The following COL16A1 variants were observed in gnomAD, a reference collection of about 807,000 sequenced individuals.
COL16A1 encodes collagen alpha-1(XVI) chain.
Under a neutral mutation model 266.3 loss-of-function variants are expected in COL16A1, and 189 were observed. The observed-to-expected ratio is 0.71, with a 90% CI of 0.63 to 0.80. COL16A1 has a LOEUF of 0.80. Ranked by LOEUF, COL16A1 falls within the 30% of genes least tolerant of loss-of-function variation. COL16A1 has a pLI of 0.00. For synonymous variants in COL16A1, 740 were observed against 782.3 expected (o/e 0.95, Z 0.90); for missense variants, 1,928 against 2,122.4 (o/e 0.91, Z 1.80).
chr1:31,698,424 G>A lies in COL16A1; in HGVS notation c.390+59C>T, dbSNP rs1369371105. ...GAAGTCACAAGCCGGGATGAAAGGTGGGCTGGACTGGTGCTACCCAATGCC... is the reference window on the plus strand; with the variant it reads ...GAAGTCACAAGCCGGGATGAAAGGTAGGCTGGACTGGTGCTACCCAATGCC... On this transcript the variant is annotated intron_variant, in intron 5 of 70. Coordinates refer to ENST00000373672, the MANE Select transcript of COL16A1 (RefSeq NM_001856.4). This position sits in a 1 kb window ranked among gnomAD's most constrained non-coding sequence, Gnocchi z 4.1. The A allele has an allele frequency of 2.5e-6, 4 of 1,605,700 alleles. No homozygotes were observed.
chr1:31,659,975 T>G (rs1238369916), intron 62 of COL16A1: 4 of 142,254 alleles, frequency 2.8e-5, no homozygotes, highest in Non-Finnish European at 6.0e-5. Context: ...TTTTTTTTTT[T>G]GGTCATGAAC....
intron 17 of COL16A1, 59 bp downstream of exon 17, chr1:31,691,946 C>A (rs1370933023): frequency 6.2e-7 from 1 of 1,611,126 alleles, no homozygotes; most frequent in African/African-American, 1.3e-5. Flanking sequence ...AAGGTTAAAT[C>A]CCAGCATTCT....
At chr1:31,689,362 G>T in intron 23 of COL16A1, 1 of 593,500 alleles carries the variant, frequency 1.7e-6, no homozygotes. Context: ...AGGTGCTCCT[G>T]AAAGAGGGGG....
Position 31,657,380 on chromosome 1 carries a change from T to C in COL16A1, c.4021-312A>G, listed in dbSNP as rs1641260314. On this transcript the variant is annotated intron_variant, in intron 64 of 70. Transcript: ENST00000373672. The surrounding 1 kb of genome is among the most constrained non-coding windows in gnomAD (Gnocchi z 6.4). ...TGCACACTCCCTGGCTCTGAATCTA[T>C]GTTAAACGTTTGCTGAATGAACACA... The C allele has an allele frequency of 2.4e-6, 1 of 408,414 alleles. No homozygotes were observed. Among genetic ancestry groups the C allele is most frequent in the African/African-American group, 2.0e-5 (1 of 50,234 alleles). The allele number at this position is 408,414 out of a possible 1,614,324, so 25.3% of individuals were successfully genotyped here.
chr1:31,658,225 G>A (rs1325011580), intron 64 of COL16A1, among the ~76,000 whole-genome samples: 2 of 152,212 alleles, frequency 1.3e-5, no homozygotes, highest in African/African-American at 4.8e-5. Context: ...GGCAGAACAG[G>A]GACACGTAGC....
At chr1:31,655,813 A>C in intron 66 of COL16A1, 1 of 376,052 alleles carries the variant, frequency 2.7e-6, no homozygotes, top group Non-Finnish European at 4.8e-6. Context: ...TCCTCTCCCC[A>C]CCCTCTGCCT....
chr1:31,666,206 G>T (rs895114501), intron 52 of COL16A1, 125 bp from the exon 53 acceptor site: 2 of 999,854 alleles, frequency 2.0e-6, no homozygotes, highest in Admixed American at 2.8e-5. Context: ...GGGCTGGCAG[G>T]CCCCCTCTGC....
chr1:31,697,023 T>C lies in COL16A1; in HGVS notation c.804A>G (p.Pro268=), dbSNP rs369622508. The change falls in exon 8 of 71, where the codon CCA becomes CCG. Residue 268 remains proline, a synonymous_variant. Coordinates refer to ENST00000373672, the MANE Select transcript of COL16A1 (RefSeq NM_001856.4). The surrounding 1 kb of genome is among the most constrained non-coding windows in gnomAD (Gnocchi z 4.2). ...TQSNELIEIN[P]QSEGKVYTRC... ...GGGTGTAGACCTTGCCTTCAGACTG[T>C]GGATTGATCTCAATGAGCTCATTGC... 8.3e-5 allele frequency: 134 copies of C among 1,613,912 alleles called. No individual in the cohort carries two copies. The highest frequency in any genetic ancestry group is 1.1e-4 in the Non-Finnish European group (126 of 1,180,002).
At chr1:31,653,751 A>T in intron 69 of COL16A1, 75 bp from the exon 70 acceptor site, 1 of 822,664 alleles carries the variant, frequency 1.2e-6, no homozygotes, top group Non-Finnish European at 1.7e-6. Flanking sequence ...CTTGAAACAC[A>T]CACACACACA....
In COL16A1 at chr1:31,689,750, T is replaced by G; in HGVS notation, c.1611A>C (p.Val537=). The G allele has an allele frequency of 6.2e-7, 1 of 1,613,936 alleles. No homozygotes were observed. The highest frequency in any genetic ancestry group is 1.3e-5 in the African/African-American group (1 of 75,012). Reference sequence around the variant, plus strand: ...CACCCTGGGCACTCACCCTGGCTGGTACAGGATCACCAGGCTCCCCTTTGG... The same window carrying G: ...CACCCTGGGCACTCACCCTGGCTGGGACAGGATCACCAGGCTCCCCTTTGG... ...PGPKGEPGDP[V]PARGDPGIQG... The change falls in exon 23 of 71, where the codon GTA becomes GTC. Residue 537 remains valine, a synonymous_variant. Transcript: ENST00000373672.
rs1175110562 is a variant in COL16A1 at position 31,667,616 on chromosome 1, C to A, written c.3316G>T (p.Glu1106Ter). The A allele has an allele frequency of 1.2e-6, 2 of 1,605,322 alleles. No homozygotes were observed. Among genetic ancestry groups the A allele is most frequent in the South Asian group, 1.1e-5 (1 of 89,222 alleles). The change falls in exon 52 of 71, where the codon GAG (glutamate) becomes TAG (stop). Residue 1106 changes from glutamate to a stop codon, truncating the protein, a stop_gained. Transcript: ENST00000373672. LOFTEE classifies it high-confidence loss of function. ...CCCGCTGACCCGGTGTAGCCACGCT[C>A]CCCCTTGATGCCCTGACAAGTGGCA... ...GPPGLPGIKG[E>*]RGYTGSAGEK...
intron 41 of COL16A1, 29 bp from the exon 42 acceptor site, chr1:31,679,714 A>C: frequency 1.2e-6 from 2 of 1,613,628 alleles, no homozygotes; most frequent in Non-Finnish European, 1.7e-6. Flanking sequence ...AGTCAGAGCC[A>C]GCAGAGAGCT....
intron 26 of COL16A1, 49 bp from the exon 27 acceptor site, chr1:31,686,328 T>C: frequency 6.2e-7 from 1 of 1,613,596 alleles, no homozygotes; most frequent in South Asian, 1.1e-5. Flanking sequence ...GGAGTCTGGG[T>C]GCTAGAGCAA....
chr1:31,680,006 C>A (rs879031270), intron 40 of COL16A1, 36 bp downstream of exon 40: 1 of 1,611,588 alleles, frequency 6.2e-7, no homozygotes, highest in African/African-American at 1.3e-5. Flanking sequence ...TGGTCCTCTC[C>A]CCCAGTTGGG....
At chr1:31,681,939 C>T (rs1472158752) in intron 37 of COL16A1, among the ~76,000 whole-genome samples, 1 of 152,212 alleles carries the variant, frequency 6.6e-6, no homozygotes, top group Non-Finnish European at 1.5e-5. Flanking sequence ...CGTTGGTGCA[C>T]TCTCCTATCA....
Position 31,658,977 on chromosome 1 carries a change from G to A in COL16A1, c.3880-13C>T, listed in dbSNP as rs1361452640. ...GCCCTGGTGGCCCCTAAAGAGAGAT[G>A]AGTCAGTGGGATAGAAACAGGTTCT... is the stretch of plus-strand genomic sequence containing the variant. On this transcript the variant is annotated splice_polypyrimidine_tract_variant and intron_variant, in intron 62 of 70. Coordinates refer to ENST00000373672, the MANE Select transcript of COL16A1 (RefSeq NM_001856.4). 4 of 1,552,696 alleles carry A rather than the reference G, an allele frequency of 2.6e-6. No homozygotes were observed. Among genetic ancestry groups the A allele is most frequent in the African/African-American group, 1.4e-5 (1 of 73,208 alleles).
At position 31,691,656 on chromosome 1, in the gene COL16A1, A is replaced by C; in HGVS notation, c.1258-14T>G. Reference sequence around the variant, plus strand: ...TCCTGGCCGGCCCTGTGGGGGGATAAGGGGGAGGGTGTACAAACAGCCCTG... The same window carrying C: ...TCCTGGCCGGCCCTGTGGGGGGATACGGGGGAGGGTGTACAAACAGCCCTG... On this transcript the variant is annotated splice_polypyrimidine_tract_variant and intron_variant, in intron 17 of 70. Coordinates refer to ENST00000373672, the MANE Select transcript of COL16A1 (RefSeq NM_001856.4). The C allele has an allele frequency of 6.2e-7, 1 of 1,612,484 alleles. No individual in the cohort carries two copies. Among genetic ancestry groups the C allele is most frequent in the East Asian group, 2.2e-5 (1 of 44,874 alleles).
At position 31,684,514 on chromosome 1, in the gene COL16A1, C is replaced by T; in HGVS notation, c.2160+9G>A. 6.2e-7 allele frequency: 1 copy of T among 1,608,832 alleles called. No individual in the cohort carries two copies. Among genetic ancestry groups the T allele is most frequent in the East Asian group, 2.2e-5 (1 of 44,788 alleles). On this transcript the variant is annotated intron_variant, in intron 31 of 70. Transcript: ENST00000373672. ...AACTCCCCGACCCCAACCACCCCGC[C>T]TGACTAACCTTTTCTCCTTTTGGCC...
chr1:31,696,312 GT>G (rs1644496734), intron 8 of COL16A1, among the ~76,000 whole-genome samples, 171 bp from the exon 9 acceptor site: 1 of 151,124 alleles, frequency 6.6e-6, no homozygotes. Flanking sequence ...GCCCCAACAG[GT>G]CCCCCTCCTT....
Sources: allele counts gnomAD v4.1 joint callset (sites outside exome capture counted in the v4.1 genomes callset), GRCh38; gene constraint gnomAD v4.1.1; non-coding constraint Gnocchi (gnomAD v3.1); transcripts MANE v1.5; gene names NCBI Gene and HGNC (gene_info 2026-07-23, HGNC 2026-07-21).